WNT5B: variants seen among roughly 807,000 people sequenced by gnomAD.
WNT5B encodes protein Wnt-5b.
A neutral mutation model predicts 36.5 loss-of-function variants in WNT5B; 18 were observed. The observed-to-expected ratio is 0.49, with a 90% CI of 0.34 to 0.73. WNT5B has a LOEUF of 0.73. Among genes scored for constraint, WNT5B ranks in the 30% least tolerant of loss-of-function variants. The pLI, the probability that WNT5B is intolerant of heterozygous loss-of-function variation, is 0.01. For synonymous variants in WNT5B, 213 were observed against 212.3 expected (o/e 1.00, Z -0.03); for missense variants, 424 against 508.4 (o/e 0.83, Z 1.60).
intron 1 of WNT5B, 40 bp downstream of exon 1, chr12:1,629,411 G>C (rs2094545959): frequency 6.5e-6 from 1 of 152,682 alleles, no homozygotes; most frequent in Non-Finnish European, 1.5e-5. Flanking sequence ...TCACAGGCGG[G>C]GAGGAAGAAC....
intron 2 of WNT5B, 36 bp downstream of exon 2, chr12:1,631,470 C>G: frequency 1.2e-6 from 2 of 1,613,374 alleles, no homozygotes; most frequent in Non-Finnish European, 8.5e-7. Context: ...CCTGCACAGC[C>G]GGAGGCCTCC....
At chr12:1,637,459 C>G (rs909299767) in intron 3 of WNT5B, among the ~76,000 whole-genome samples, 1 of 152,036 alleles carries the variant, frequency 6.6e-6, no homozygotes, top group East Asian at 1.9e-4. Context: ...TGCTGCGGGC[C>G]GGGCGCGGTG....
intron 3 of WNT5B, 81 bp from the exon 4 acceptor site, chr12:1,639,603 T>A (rs953613825): frequency 9.2e-6 from 13 of 1,411,532 alleles, no homozygotes; most frequent in Non-Finnish European, 1.2e-5. Context: ...GGCGTGCGGG[T>A]CCGTCGGGGG....
At chr12:1,640,049 T>C (rs1366178639) in intron 4 of WNT5B, 73 bp downstream of exon 4, 3 of 1,506,540 alleles carry the variant, frequency 2.0e-6, no homozygotes, top group African/African-American at 2.9e-5. Context: ...CCACCAGCCG[T>C]GGCCTGGCCT....
chr12:1,639,895 GC>G lies in WNT5B; in HGVS notation c.541del (p.Arg181GlufsTer17). On this transcript the variant is annotated frameshift_variant, in exon 4 of 5. Coordinates refer to ENST00000397196, the MANE Select transcript of WNT5B (RefSeq NM_032642.3). LOFTEE classifies it high-confidence loss of function. ...FAKEFVDARE[R>X]EKNFAKGSEE... ...CCAAGGAGTTTGTGGATGCCCGGGA[GC>G]GAGAGAAGAACTTTGCCAAAGGATC... The G allele has an allele frequency of 6.2e-7, 1 of 1,614,094 alleles. No homozygotes were observed. Among genetic ancestry groups the G allele is most frequent in the Non-Finnish European group, 8.5e-7 (1 of 1,179,980 alleles).
chr12:1,625,909 T>C (rs1301132321), upstream of WNT5B, among the ~76,000 whole-genome samples: 1 of 151,900 alleles, frequency 6.6e-6, no homozygotes, highest in Non-Finnish European at 1.5e-5. Context: ...GTGATCCACC[T>C]GCCTCAGCCT....
chr12:1,636,085 GA>G (rs1286915835), intron 3 of WNT5B, among the ~76,000 whole-genome samples: 1 of 152,036 alleles, frequency 6.6e-6, no homozygotes, highest in Non-Finnish European at 1.5e-5. Flanking sequence ...CTGAGATCAG[GA>G]TTGAATCTGT....
At chr12:1,643,373 T>C (rs955975820) in intron 4 of WNT5B, among the ~76,000 whole-genome samples, 1 of 152,034 alleles carries the variant, frequency 6.6e-6, no homozygotes, top group Non-Finnish European at 1.5e-5. Context: ...AACTTTTTTC[T>C]TTTTTTTTGA....
At chr12:1,631,112 A>G in intron 1 of WNT5B, 186 bp from the exon 2 acceptor site, 1 of 416,338 alleles carries the variant, frequency 2.4e-6, no homozygotes, top group Non-Finnish European at 4.3e-6. Context: ...AGTTTGGGGT[A>G]AGAGACAGAA....
chr12:1,643,686 C>CTTTTTTT (rs368172169), intron 4 of WNT5B, among the ~76,000 whole-genome samples: 12 of 97,442 alleles, frequency 1.2e-4, no homozygotes, highest in Admixed American at 1.4e-4. Context: ...TTTTTGAAAG[C>CTTTTTTT]TTTTTTTTTT....
upstream of WNT5B, among the ~76,000 whole-genome samples, chr12:1,628,143 A>G (rs10773969): frequency 0.21 from 31,787 of 150,960 alleles, 4,786 homozygotes; most frequent in African/African-American, 0.42. Context: ...ACTAAAGAAT[A>G]GAGACCCTGA....
intron 3 of WNT5B, among the ~76,000 whole-genome samples, chr12:1,637,917 A>G (rs1202788536): frequency 1.3e-5 from 2 of 152,164 alleles, no homozygotes; most frequent in Non-Finnish European, 2.9e-5. Context: ...GCACGGATAG[A>G]TTTGTAGCAG....
At chr12:1,619,690 C>G (rs758491253) in intron 1 of WNT5B, among the ~76,000 whole-genome samples, 1 of 152,086 alleles carries the variant, frequency 6.6e-6, no homozygotes, top group Admixed American at 6.5e-5. Context: ...TTGCCATATC[C>G]TCATTTCCTG....
At chr12:1,642,768 T>G (rs1407894496) in intron 4 of WNT5B, among the ~76,000 whole-genome samples, 1 of 152,214 alleles carries the variant, frequency 6.6e-6, no homozygotes, top group African/African-American at 2.4e-5. Context: ...CCATCAGGCT[T>G]GTTCCTGGCT....
In WNT5B at chr12:1,630,215, T is replaced by C; in HGVS notation, c.-58+844T>C. On this transcript the variant is annotated intron_variant, in intron 1 of 4. Coordinates refer to ENST00000397196, the MANE Select transcript of WNT5B (RefSeq NM_032642.3). The surrounding 1 kb of genome is among the most constrained non-coding windows in gnomAD (Gnocchi z 5.3). Reference sequence around the variant, plus strand: ...CGCAGTGAGCCGGGGCGCGCGGGGCTGCGCTCGTCAGGTCCGGGGCCCCGG... The same window carrying C: ...CGCAGTGAGCCGGGGCGCGCGGGGCCGCGCTCGTCAGGTCCGGGGCCCCGG... The C allele has an allele frequency of 7.1e-6, 7 of 985,228 alleles. No individual in the cohort carries two copies. The highest frequency in any genetic ancestry group is 8.4e-6 in the Non-Finnish European group (7 of 829,876). 61.0% of individuals were successfully genotyped at this position (985,228 alleles called of 1,614,324 possible).
rs2094580930 is a variant in WNT5B, at chr12:1,644,084, A to C, written c.622-1710A>C. ...GCAAAGTGCACAGTTTCCAACCCTTAATGTTTCCTCCTCTCAGCAGTGCCA... is the reference window on the plus strand; with the variant it reads ...GCAAAGTGCACAGTTTCCAACCCTTCATGTTTCCTCCTCTCAGCAGTGCCA... On this transcript the variant is annotated intron_variant, in intron 4 of 4. Transcript: ENST00000397196. The surrounding 1 kb of genome is among the most constrained non-coding windows in gnomAD (Gnocchi z 5.1). 6.6e-6 allele frequency among the ~76,000 whole-genome samples: 1 copy of C among 152,084 alleles called. No homozygotes were observed. Among genetic ancestry groups the C allele is most frequent in the African/African-American group, 2.4e-5 (1 of 41,412 alleles).
At chr12:1,635,228 G>T (rs754026088) in intron 3 of WNT5B, among the ~76,000 whole-genome samples, 1 of 152,192 alleles carries the variant, frequency 6.6e-6, no homozygotes, top group South Asian at 2.1e-4. Context: ...TGATAGGTTC[G>T]AACTGTCAGA....
Position 1,633,662 on chromosome 12 carries a change from T to A in WNT5B, c.328+757T>A, listed in dbSNP as rs576811552. On this transcript the variant is annotated intron_variant, in intron 3 of 4. Coordinates refer to ENST00000397196, the MANE Select transcript of WNT5B (RefSeq NM_032642.3). This position sits in a 1 kb window ranked among gnomAD's most constrained non-coding sequence, Gnocchi z 4.8. ...ATTGAGAAATCCGGCCCTATTCTAC[T>A]GGGTCTTATCCCCAGGGCCATAAAA... 2.0e-5 allele frequency among the ~76,000 whole-genome samples: 3 copies of A among 152,338 alleles called. No homozygotes were observed. In the East Asian group the frequency reaches 5.8e-4, roughly 29 times the overall value.
intron 4 of WNT5B, among the ~76,000 whole-genome samples, chr12:1,641,086 T>A (rs192312772): frequency 1.1e-4 from 17 of 152,220 alleles, no homozygotes; most frequent in Middle Eastern, 3.4e-3. Flanking sequence ...ATGAACTCAC[T>A]CAAAAATGAG....
Sources: gnomAD v4.1 joint callset for allele counts (sites outside exome capture counted in the v4.1 genomes callset) on GRCh38, gnomAD v4.1.1 for gene constraint, Gnocchi (gnomAD v3.1) non-coding constraint, MANE v1.5 for transcripts, NCBI Gene and HGNC (gene_info 2026-07-23, HGNC 2026-07-21) for gene names.